SYNE1: variants seen among roughly 807,000 people sequenced by gnomAD.
SYNE1 encodes the protein spectrin repeat containing nuclear envelope protein 1.
SYNE1 carries 616 observed loss-of-function variants against 1,111.0 expected under a neutral mutation model. The ratio of observed to expected loss-of-function variants is 0.55; its 90% CI spans 0.52 to 0.59. SYNE1 has a LOEUF of 0.59. Among genes scored for constraint, SYNE1 ranks in the 20% least tolerant of loss-of-function variants. The pLI, the probability that SYNE1 is intolerant of heterozygous loss-of-function variation, is 0.00. For synonymous variants in SYNE1, 3,855 were observed against 3,825.8 expected (o/e 1.01, Z -0.28); for missense variants, 10,006 against 10,417.0 (o/e 0.96, Z 1.72).
chr6:152,195,129 C>G (rs1413238288), intron 127 of SYNE1, among the ~76,000 whole-genome samples: 3 of 152,224 alleles, frequency 2.0e-5, no homozygotes, highest in Admixed American at 6.5e-5. Flanking sequence ...CCATGTTGGC[C>G]AGGCTGGTCT....
At chr6:152,581,684 T>C (rs911951583) in intron 3 of SYNE1, among the ~76,000 whole-genome samples, 1 of 152,124 alleles carries the variant, frequency 6.6e-6, no homozygotes, top group Non-Finnish European at 1.5e-5. Flanking sequence ...TGATGTTTCT[T>C]AAAGGGAACC....
At chr6:152,319,048 C>A in intron 84 of SYNE1, 33 bp from the exon 85 acceptor site, 2 of 1,612,932 alleles carry the variant, frequency 1.2e-6, no homozygotes, top group Non-Finnish European at 1.7e-6. Flanking sequence ...CAAAACAAGC[C>A]ATGGTTAAAA....
rs910446340 is a variant in SYNE1 at position 152,376,870 on chromosome 6, C to A, written c.9052G>T (p.Asp3018Tyr). 6.2e-7 allele frequency: 1 copy of A among 1,614,094 alleles called. No individual in the cohort carries two copies. The highest frequency in any genetic ancestry group is 1.1e-5 in the South Asian group (1 of 91,080). ...ALQKAEPRTE[D>Y]LKSQLNELCR... ...AGTTCATTCAGCTGAGACTTGAGATCCTCTGTTCTAGGCTCTGCTTTTTGC... is the reference window on the plus strand; with the variant it reads ...AGTTCATTCAGCTGAGACTTGAGATACTCTGTTCTAGGCTCTGCTTTTTGC... The change falls in exon 57 of 146, where the codon GAT becomes TAT. Residue 3018 changes from aspartate (D) to tyrosine (Y), a missense_variant. Asp to Tyr is a radical substitution (Grantham distance 160). Around this residue, in one of 7 missense-constraint regions of SYNE1, gnomAD observed 4,955 missense variants for 5,017.2 expected, o/e 0.99. Coordinates refer to ENST00000367255, the MANE Select transcript of SYNE1 (RefSeq NM_182961.4).
intron 3 of SYNE1, among the ~76,000 whole-genome samples, chr6:152,578,619 T>TAAA (rs1235005487): frequency 6.6e-6 from 1 of 151,964 alleles, no homozygotes; most frequent in Non-Finnish European, 1.5e-5. Flanking sequence ...AAAACAAAAA[T>TAAA]AAAAACAAAA....
chr6:152,461,888 C>T (rs2098736246), intron 20 of SYNE1, 148 bp from the exon 21 acceptor site: 1 of 927,646 alleles, frequency 1.1e-6, no homozygotes, highest in African/African-American at 1.7e-5. Context: ...TTTTTGCTTC[C>T]CTTCATTACT....
intron 3 of SYNE1, among the ~76,000 whole-genome samples, chr6:152,583,388 G>A (rs997329379): frequency 6.6e-6 from 1 of 152,060 alleles, no homozygotes; most frequent in Non-Finnish European, 1.5e-5. Flanking sequence ...TTACTAGTTG[G>A]GCATCATTAC....
chr6:152,635,993 A>G (rs1371107535), intron 2 of SYNE1, among the ~76,000 whole-genome samples: 1 of 152,136 alleles, frequency 6.6e-6, no homozygotes, highest in African/African-American at 2.4e-5. Context: ...GCCCGTTGGG[A>G]TGCACCTGGC....
chr6:152,471,905 C>T lies in SYNE1; in HGVS notation c.1464-140G>A, dbSNP rs138064413. 1.2e-5 allele frequency: 10 copies of T among 861,816 alleles called. No individual in the cohort carries two copies. In the East Asian group the frequency reaches 2.1e-4, roughly 18 times the overall value. The allele number at this position is 861,816 out of a possible 1,614,324, so 53.4% of individuals were successfully genotyped here. A position where few individuals can be genotyped will look rare whatever the true frequency, so the allele number is the denominator to read the frequency against. ...TCTGGCTGATCATTTTCTGGAAATC[C>T]GATTCCTTTTCTAGCTCTGGATTTA... On this transcript the variant is annotated intron_variant, in intron 15 of 145. Transcript: ENST00000367255.
At chr6:152,419,546 TA>T (rs34651734) in intron 40 of SYNE1, 22 bp downstream of exon 40, 29,245 of 1,264,732 alleles carry the variant, frequency 0.023, 5 homozygotes, top group Admixed American at 0.035. Flanking sequence ...TCTTCAATCT[TA>T]AAAAAAAAAA....
At chr6:152,322,089 G>A (rs2095881949) in intron 82 of SYNE1, among the ~76,000 whole-genome samples, 1 of 152,102 alleles carries the variant, frequency 6.6e-6, no homozygotes, top group African/African-American at 2.4e-5. Flanking sequence ...TTGAAAAACT[G>A]AGAGTTGACT....
At chr6:152,348,272 C>A (rs1046838665) in intron 72 of SYNE1, among the ~76,000 whole-genome samples, 8 of 152,206 alleles carry the variant, frequency 5.3e-5, no homozygotes, top group African/African-American at 1.9e-4. Context: ...CAAGGTATGG[C>A]ACAGCCCCCA....
At chr6:152,466,725 C>A (rs1360752409) in intron 16 of SYNE1, among the ~76,000 whole-genome samples, 1 of 151,908 alleles carries the variant, frequency 6.6e-6, no homozygotes, top group Non-Finnish European at 1.5e-5. Flanking sequence ...CAAAAAAGTT[C>A]TTAGGTAAAT....
chr6:152,545,610 G>T (rs1307483203), intron 3 of SYNE1, among the ~76,000 whole-genome samples: 2 of 151,954 alleles, frequency 1.3e-5, no homozygotes, highest in African/African-American at 4.8e-5. Context: ...ATACTAAGAA[G>T]AAAGAAATGC....
chr6:152,302,160 G>T, intron 91 of SYNE1, 97 bp from the exon 92 acceptor site: 4 of 1,541,340 alleles, frequency 2.6e-6, no homozygotes, highest in Non-Finnish European at 2.7e-6. Flanking sequence ...CAATGAGCGC[G>T]CAGAGCCGCG....
chr6:152,508,114 G>A (rs2099067720), intron 8 of SYNE1, among the ~76,000 whole-genome samples: 1 of 152,142 alleles, frequency 6.6e-6, no homozygotes, highest in Admixed American at 6.5e-5. Context: ...TTTTACACAT[G>A]TTAGATAATA....
In SYNE1 at chr6:152,230,431, T is replaced by C. The variant is rs150693159; in HGVS notation, c.21195+116A>G. Reference sequence around the variant, plus strand: ...AAAATCAGCAAAATTTGTTACTAAATGCAACTTTTAAATATTTAAAAAAAT... The same window carrying C: ...AAAATCAGCAAAATTTGTTACTAAACGCAACTTTTAAATATTTAAAAAAAT... On this transcript the variant is annotated intron_variant, in intron 115 of 145. Coordinates refer to ENST00000367255, the MANE Select transcript of SYNE1 (RefSeq NM_182961.4). The C allele has an allele frequency of 2.0e-4, 231 of 1,153,460 alleles. 1 individual carries two copies. In the African/African-American group the frequency reaches 3.4e-3, roughly 17 times the overall value. The allele number at this position is 1,153,460 out of a possible 1,614,324, so 71.5% of individuals were successfully genotyped here.
At chr6:152,460,873 C>T (rs1408156765) in intron 21 of SYNE1, among the ~76,000 whole-genome samples, 2 of 130,888 alleles carry the variant, frequency 1.5e-5, no homozygotes, top group Admixed American at 9.6e-5. Flanking sequence ...AGTGAAATGG[C>T]GCGATCTGGG....
At chr6:152,224,957 GTGTA>G (rs1226795990) in intron 116 of SYNE1, among the ~76,000 whole-genome samples, 1 of 143,086 alleles carries the variant, frequency 7.0e-6, no homozygotes, top group East Asian at 2.0e-4. Context: ...ACATATATAT[GTGTA>G]TATATATATA....
Position 152,376,775 on chromosome 6 carries a change from C to T in SYNE1, c.9146+1G>A. On this transcript the variant is annotated splice_donor_variant, in intron 57 of 145. Transcript: ENST00000367255. LOFTEE classifies it high-confidence loss of function. ...TGAACACCAATAAGGTTCATGCTCACCAATTATACTCTTTAATCAAGCCAG... is the reference window on the plus strand; with the variant it reads ...TGAACACCAATAAGGTTCATGCTCATCAATTATACTCTTTAATCAAGCCAG... 6.2e-7 allele frequency: 1 copy of T among 1,613,706 alleles called. No individual in the cohort carries two copies. Among genetic ancestry groups the T allele is most frequent in the African/African-American group, 1.3e-5 (1 of 75,006 alleles).
Sources: gnomAD v4.1 joint callset for allele counts (sites outside exome capture counted in the v4.1 genomes callset) on GRCh38, gnomAD v4.1.1 for gene constraint, gnomAD v4.1.1 regional missense constraint, MANE v1.5 for transcripts, NCBI Gene and HGNC (gene_info 2026-07-23, HGNC 2026-07-21) for gene names.